The following SLC14A2 variants were observed in gnomAD, a reference collection of about 807,000 sequenced individuals.
SLC14A2 encodes the protein solute carrier family 14 member 2.
SLC14A2 carries 91 observed loss-of-function variants against 104.6 expected under a neutral mutation model. That is an observed-to-expected ratio of 0.87 (90% CI 0.73 to 1.04). The LOEUF (loss-of-function observed/expected upper bound fraction) is 1.04, where lower values mean the gene tolerates loss of function less well. Among genes scored for constraint, SLC14A2 ranks in the 50% least tolerant of loss-of-function variants. SLC14A2 has a pLI of 0.00. For synonymous variants in SLC14A2, 476 were observed against 466.4 expected (o/e 1.02, Z -0.27); for missense variants, 1,189 against 1,156.0 (o/e 1.03, Z -0.41).
chr18:45,255,815 C>A (rs527356650), intron 1 of SLC14A2, among the ~76,000 whole-genome samples: 1 of 151,734 alleles, frequency 6.6e-6, no homozygotes, highest in Admixed American at 6.5e-5. Context: ...CCAGCCCCTG[C>A]ACCCCCTGCA....
intron 2 of SLC14A2, among the ~76,000 whole-genome samples, chr18:45,565,269 C>T (rs887703141): frequency 6.6e-6 from 1 of 151,988 alleles, no homozygotes; most frequent in African/African-American, 2.4e-5. Flanking sequence ...AGAGTACAGG[C>T]GCCCGCCACC....
At chr18:45,678,621 G>A (rs1298623891) in intron 18 of SLC14A2, among the ~76,000 whole-genome samples, 3 of 152,208 alleles carry the variant, frequency 2.0e-5, no homozygotes, top group South Asian at 2.1e-4. Flanking sequence ...AAATATTCCA[G>A]TAGGGAGTTC....
At chr18:45,658,861 A>G (rs2045886703) in intron 10 of SLC14A2, among the ~76,000 whole-genome samples, 1 of 152,130 alleles carries the variant, frequency 6.6e-6, no homozygotes, top group Non-Finnish European at 1.5e-5. Context: ...ACTACTCCCA[A>G]GGAAAGTGTT....
chr18:45,644,019 C>CT lies in SLC14A2; in HGVS notation c.1212dup (p.Ala405CysfsTer40), dbSNP rs746835554. 6.2e-7 allele frequency: 1 copy of CT among 1,614,066 alleles called. No homozygotes were observed. The highest frequency in any genetic ancestry group is 1.7e-5 in the Admixed American group (1 of 60,004). ...GCCACCAGGCACCTGGGCCTTCTGC[C>CT]TTGCCACCATCATCTTCCTGCTCCT... On this transcript the variant is annotated frameshift_variant, in exon 10 of 20. Transcript: ENST00000255226. LOFTEE classifies it high-confidence loss of function.
At chr18:45,619,277 C>T (rs746130010) in intron 1 of SLC14A2, among the ~76,000 whole-genome samples, 5 of 152,242 alleles carry the variant, frequency 3.3e-5, no homozygotes, top group Non-Finnish European at 7.3e-5. Context: ...CCGCTCTGTG[C>T]TCTCTGCACC....
intron 2 of SLC14A2, among the ~76,000 whole-genome samples, chr18:45,569,627 C>T (rs1219000574): frequency 6.6e-6 from 1 of 152,218 alleles, no homozygotes; most frequent in African/African-American, 2.4e-5. Context: ...TAGCTGACTA[C>T]ATGTGGGTAA....
At chr18:45,394,908 T>G (rs768221779) in intron 1 of SLC14A2, among the ~76,000 whole-genome samples, 1 of 152,168 alleles carries the variant, frequency 6.6e-6, no homozygotes, top group Non-Finnish European at 1.5e-5. Flanking sequence ...AAAATCAGTA[T>G]GCAGGCTCCT....
At chr18:45,475,306 T>C (rs2144679224) in intron 1 of SLC14A2, among the ~76,000 whole-genome samples, 1 of 152,168 alleles carries the variant, frequency 6.6e-6, no homozygotes, top group South Asian at 2.1e-4. Context: ...TGGTCAATTT[T>C]AGAATAAGTG....
At chr18:45,573,393 C>A (rs1471541156) in intron 2 of SLC14A2, among the ~76,000 whole-genome samples, 1 of 152,076 alleles carries the variant, frequency 6.6e-6, no homozygotes, top group Non-Finnish European at 1.5e-5. Flanking sequence ...AAAAGCAAAC[C>A]AAATGTCATA....
rs59843067 is a variant in SLC14A2 at position 45,648,195 on chromosome 18, C to CTTTTTTTTTTTTTTTTTT, written c.1351+4046_1351+4063dup. 1.3e-4 allele frequency among the ~76,000 whole-genome samples: 13 copies of CTTTTTTTTTTTTTTTTTT among 101,238 alleles called. 1 individual carries two copies. The highest frequency in any genetic ancestry group is 5.0e-4 in the African/African-American group (13 of 25,942). The allele number at this position is 101,238 out of a possible 152,430, so 66.4% of individuals were successfully genotyped here. A position where few individuals can be genotyped will look rare whatever the true frequency, so the allele number is the denominator to read the frequency against. On this transcript the variant is annotated intron_variant, in intron 10 of 19. Transcript: ENST00000255226. ...GTTACCCTCTTTATTCTAGTTAATGCTTTTTTTTTTTTTTTTTTTTTTTTT... is the reference window on the plus strand; with the variant it reads ...GTTACCCTCTTTATTCTAGTTAATGCTTTTTTTTTTTTTTTTTTTTTTTTTTTTTTTTTTTTTTTTTTT...
intron 1 of SLC14A2, among the ~76,000 whole-genome samples, chr18:45,231,161 A>C (rs1268380625): frequency 1.3e-5 from 2 of 152,180 alleles, no homozygotes; most frequent in African/African-American, 4.8e-5. Context: ...ACCCAGAGGC[A>C]AAAGCTGAAA....
intron 1 of SLC14A2, among the ~76,000 whole-genome samples, chr18:45,298,302 G>C (rs940342624): frequency 6.6e-6 from 1 of 152,138 alleles, no homozygotes; most frequent in South Asian, 2.1e-4. Context: ...GTGTGTTGCC[G>C]TTACTTAGAG....
chr18:45,402,588 T>C (rs890544267), intron 1 of SLC14A2, among the ~76,000 whole-genome samples: 1 of 152,230 alleles, frequency 6.6e-6, no homozygotes, highest in Non-Finnish European at 1.5e-5. Context: ...CATTGAAATA[T>C]CTATCCAGGA....
the SLC14A2 span, among the ~76,000 whole-genome samples, chr18:45,207,857 G>T: frequency 6.6e-6 from 1 of 152,044 alleles, no homozygotes. Flanking sequence ...CATTTGCAGA[G>T]CCCCTTATAA....
intron 2 of SLC14A2, among the ~76,000 whole-genome samples, chr18:45,534,368 A>G (rs937466600): frequency 1.3e-5 from 2 of 152,096 alleles, no homozygotes; most frequent in Non-Finnish European, 2.9e-5. Flanking sequence ...AAGGAAAAAA[A>G]CCCCAGAGAG....
intron 1 of SLC14A2, among the ~76,000 whole-genome samples, chr18:45,304,362 T>C (rs1283906438): frequency 1.3e-5 from 2 of 152,234 alleles, no homozygotes; most frequent in Non-Finnish European, 2.9e-5. Context: ...ACAAGCCCAC[T>C]GGTTCTCCTT....
chr18:45,253,894 C>G (rs1012268579), intron 1 of SLC14A2, among the ~76,000 whole-genome samples: 10 of 152,136 alleles, frequency 6.6e-5, no homozygotes, highest in African/African-American at 2.4e-4. Flanking sequence ...TGAGGAGATT[C>G]TATTCTATAT....
chr18:45,394,548 C>T (rs2086007644), intron 1 of SLC14A2, among the ~76,000 whole-genome samples: 1 of 152,090 alleles, frequency 6.6e-6, no homozygotes, highest in South Asian at 2.1e-4. Context: ...AATGGCCATC[C>T]ATGCTAACAG....
intron 1 of SLC14A2, among the ~76,000 whole-genome samples, chr18:45,231,527 A>G (rs886755027): frequency 6.6e-6 from 1 of 152,190 alleles, no homozygotes; most frequent in Admixed American, 6.5e-5. Context: ...TATCTTGATG[A>G]TTAAGCTAGT....
Sources: allele counts gnomAD v4.1 joint callset (sites outside exome capture counted in the v4.1 genomes callset), GRCh38; gene constraint gnomAD v4.1.1; transcripts MANE v1.5; gene names NCBI Gene and HGNC (gene_info 2026-07-23, HGNC 2026-07-21).